The following ALG8 variants were observed in gnomAD, a reference collection of about 807,000 sequenced individuals.
ALG8 encodes the protein dolichyl pyrophosphate Glc1Man9GlcNAc2 alpha-1,3-glucosyltransferase.
ALG8 carries 48 observed loss-of-function variants against 70.2 expected under a neutral mutation model. The observed-to-expected ratio is 0.68, with a 90% CI of 0.54 to 0.87. The LOEUF (loss-of-function observed/expected upper bound fraction) is 0.87. ALG8 is among the 40% of genes least tolerant of loss of function. ALG8 has a pLI of 0.00. For synonymous variants in ALG8, 234 were observed against 229.0 expected (o/e 1.02, Z -0.20); for missense variants, 572 against 608.7 (o/e 0.94, Z 0.64).
At chr11:78,138,989 A>G (rs1207902435) in intron 1 of ALG8, 1 of 342,088 alleles carries the variant, frequency 2.9e-6, no homozygotes, top group African/African-American at 2.2e-5. Flanking sequence ...ATTCTTTTTC[A>G]TTTTTTGAAT....
Position 78,109,594 on chromosome 11 carries a change from T to C in ALG8, c.899-13A>G. On this transcript the variant is annotated splice_polypyrimidine_tract_variant and intron_variant, in intron 8 of 12. Coordinates refer to ENST00000299626, the MANE Select transcript of ALG8 (RefSeq NM_024079.5). ...TTCAATTTCAAACCTATTAAACAGATATTTTGTTTTGTTTTATTTTTATCT... is the reference window on the plus strand; with the variant it reads ...TTCAATTTCAAACCTATTAAACAGACATTTTGTTTTGTTTTATTTTTATCT... 3.1e-6 allele frequency: 5 copies of C among 1,608,798 alleles called. No homozygotes were observed. The highest frequency in any genetic ancestry group is 4.3e-6 in the Non-Finnish European group (5 of 1,175,184).
intron 1 of ALG8, 84 bp downstream of exon 1, chr11:78,139,410 C>CATGA: frequency 7.5e-7 from 1 of 1,328,644 alleles, no homozygotes; most frequent in Non-Finnish European, 1.1e-6. Flanking sequence ...TCTCTTCATA[C>CATGA]CCAGGGATAT....
chr11:78,134,373 G>A (rs1160840460), intron 1 of ALG8, among the ~76,000 whole-genome samples: 1 of 152,066 alleles, frequency 6.6e-6, no homozygotes, highest in Non-Finnish European at 1.5e-5. Flanking sequence ...CCTGACCTCA[G>A]GTGACCCGCC....
intron 1 of ALG8, among the ~76,000 whole-genome samples, chr11:78,129,323 G>A (rs1200092121): frequency 6.6e-6 from 1 of 151,844 alleles, no homozygotes; most frequent in East Asian, 1.9e-4. Context: ...AGGAGGTTGA[G>A]GCAGGAGAAT....
Position 78,129,962 on chromosome 11 carries a change from T to C in ALG8, c.96-2526A>G, listed in dbSNP as rs148258863. Among the ~76,000 whole-genome samples the C allele has an allele frequency of 6.3e-3, 952 of 152,120 alleles. 6 individuals carry two copies. The highest frequency in any genetic ancestry group is 0.022 in the African/African-American group (907 of 41,474). On this transcript the variant is annotated intron_variant, in intron 1 of 12. Transcript: ENST00000299626. ...TGAGTGAAAGCCAGACCCAAGAGAA[T>C]AGATTGTATGATTACATTTGTATAA... is the stretch of plus-strand genomic sequence containing the variant.
chr11:78,129,073 G>A (rs1180497362), intron 1 of ALG8, among the ~76,000 whole-genome samples: 2 of 152,006 alleles, frequency 1.3e-5, no homozygotes, highest in Admixed American at 6.6e-5. Context: ...GTCTAAGTAC[G>A]TATACCCAAC....
rs1397129259 is a variant in ALG8, at chr11:78,114,355, A to G, written c.584T>C (p.Leu195Pro). The G allele has an allele frequency of 6.2e-7, 1 of 1,614,128 alleles. No individual in the cohort carries two copies. Among genetic ancestry groups the G allele is most frequent in the East Asian group, 2.2e-5 (1 of 44,872 alleles). ...HMEGAFLFAVLLHFKHIYLYV... is the reference protein window; with the variant it reads ...HMEGAFLFAVPLHFKHIYLYV... ...GAGGTAGATATGCTTGAAATGTAGGAGAACAGCAAAGAGAAATGCTCCTTC... is the reference window on the plus strand; with the variant it reads ...GAGGTAGATATGCTTGAAATGTAGGGGAACAGCAAAGAGAAATGCTCCTTC... Residue 195 changes from leucine to proline, a missense_variant, in exon 6 of 13, where the codon CTC becomes CCC. Coordinates refer to ENST00000299626, the MANE Select transcript of ALG8 (RefSeq NM_024079.5).
chr11:78,136,978 T>A (rs942063441), intron 1 of ALG8, among the ~76,000 whole-genome samples: 1 of 152,004 alleles, frequency 6.6e-6, no homozygotes, highest in Non-Finnish European at 1.5e-5. Flanking sequence ...CTCAGCTCAC[T>A]GCAACCTCCA....
Position 78,125,565 on chromosome 11 carries a change from A to T in ALG8, c.175-1351T>A, listed in dbSNP as rs562555735. Among the ~76,000 whole-genome samples the T allele has an allele frequency of 1.7e-4, 26 of 149,562 alleles. No individual in the cohort carries two copies. The East Asian group carries it at 5.1e-3, about 29-fold the overall frequency. On this transcript the variant is annotated intron_variant, in intron 2 of 12. Coordinates refer to ENST00000299626, the MANE Select transcript of ALG8 (RefSeq NM_024079.5). ...TGGATCACCTGAGGTCAGGAGTTCAAAACCAGCCTGACCAACGTGGTGAAA... is the reference window on the plus strand; with the variant it reads ...TGGATCACCTGAGGTCAGGAGTTCATAACCAGCCTGACCAACGTGGTGAAA...
chr11:78,114,085 G>C, intron 6 of ALG8, 96 bp from the exon 7 acceptor site: 1 of 1,366,550 alleles, frequency 7.3e-7, no homozygotes, highest in South Asian at 1.2e-5. Context: ...TCCCACAATA[G>C]TATACCAATC....
intron 4 of ALG8, 33 bp downstream of exon 4, chr11:78,121,028 ATTAG>A: frequency 1.3e-6 from 2 of 1,500,240 alleles, no homozygotes; most frequent in Non-Finnish European, 9.3e-7. Flanking sequence ...ATACATCAGA[ATTAG>A]TAAGGGAATA....
Position 78,139,184 on chromosome 11 carries a change from G to A in ALG8, c.95+310C>T, listed in dbSNP as rs1324639800. 3.1e-5 allele frequency: 13 copies of A among 422,910 alleles called. No homozygotes were observed. In the Admixed American group the frequency reaches 4.8e-4, roughly 16 times the overall value. The allele number at this position is 422,910 out of a possible 1,614,324, so 26.2% of individuals were successfully genotyped here. ...AGTTAGAACGGTACCTGGCACCTCA[G>A]GCATCTGATAATACTGGCTGAATGG... On this transcript the variant is annotated intron_variant, in intron 1 of 12. Coordinates refer to ENST00000299626, the MANE Select transcript of ALG8 (RefSeq NM_024079.5).
intron 7 of ALG8, among the ~76,000 whole-genome samples, chr11:78,113,376 T>C (rs1271800130): frequency 6.6e-6 from 1 of 152,062 alleles, no homozygotes; most frequent in African/African-American, 2.4e-5. Context: ...TACATGTATA[T>C]ATATATACAT....
At chr11:78,116,641 C>A (rs1222247354) in intron 5 of ALG8, among the ~76,000 whole-genome samples, 1 of 151,558 alleles carries the variant, frequency 6.6e-6, no homozygotes, top group Admixed American at 6.6e-5. Flanking sequence ...CTGTTTGAGC[C>A]CAGGAGGTTG....
At chr11:78,129,611 C>T (rs942599235) in intron 1 of ALG8, among the ~76,000 whole-genome samples, 2 of 152,140 alleles carry the variant, frequency 1.3e-5, no homozygotes, top group Admixed American at 6.6e-5. Context: ...GAAATATGTA[C>T]TATTTTCATA....
At chr11:78,124,381 T>A (rs887617674) in intron 2 of ALG8, among the ~76,000 whole-genome samples, 167 bp from the exon 3 acceptor site, 9 of 152,174 alleles carry the variant, frequency 5.9e-5, no homozygotes, top group African/African-American at 2.4e-5. Flanking sequence ...GGCAGGCAGA[T>A]CGCTTGAGCC....
chr11:78,109,712 A>T, intron 8 of ALG8, 131 bp from the exon 9 acceptor site: 1 of 920,206 alleles, frequency 1.1e-6, no homozygotes. Flanking sequence ...CTAAGATTTC[A>T]TGAATTTAAT....
At chr11:78,111,841 A>G (rs1860304616) in intron 8 of ALG8, among the ~76,000 whole-genome samples, 1 of 152,218 alleles carries the variant, frequency 6.6e-6, no homozygotes, top group South Asian at 2.1e-4. Flanking sequence ...ATTTTTCATT[A>G]CGACCCAATT....
chr11:78,109,731 A>C, intron 8 of ALG8, 150 bp from the exon 9 acceptor site: 3 of 799,692 alleles, frequency 3.8e-6, no homozygotes, highest in Non-Finnish European at 4.0e-6. Flanking sequence ...ATCCTATACT[A>C]TTCTACCCAA....
Sources: gnomAD v4.1 joint callset for allele counts (sites outside exome capture counted in the v4.1 genomes callset) on GRCh38, gnomAD v4.1.1 for gene constraint, MANE v1.5 for transcripts, NCBI Gene and HGNC (gene_info 2026-07-23, HGNC 2026-07-21) for gene names.